SENP7: variants seen among roughly 807,000 people sequenced by gnomAD.
SENP7 encodes sentrin-specific protease 7.
Under a neutral mutation model 141.2 loss-of-function variants are expected in SENP7, and 64 were observed. The ratio of observed to expected loss-of-function variants is 0.45; its 90% CI spans 0.37 to 0.56. The LOEUF (loss-of-function observed/expected upper bound fraction) is 0.56. Among genes scored for constraint, SENP7 ranks in the 20% least tolerant of loss-of-function variants. The pLI is 0.00. For synonymous variants in SENP7, 382 were observed against 426.4 expected (o/e 0.90, Z 1.28); for missense variants, 1,025 against 1,212.2 (o/e 0.85, Z 2.29).
chr3:101,452,116 T>G (rs1380992406), intron 4 of SENP7, among the ~76,000 whole-genome samples: 1 of 151,908 alleles, frequency 6.6e-6, no homozygotes, highest in Non-Finnish European at 1.5e-5. Context: ...CATTCACAAT[T>G]GCTTCAAAGA....
intron 1 of SENP7, among the ~76,000 whole-genome samples, chr3:101,504,255 C>T (rs2065501152): frequency 6.6e-6 from 1 of 150,676 alleles, no homozygotes; most frequent in South Asian, 2.1e-4. Context: ...AGTTCGAGAC[C>T]AGCCTGGTCA....
At chr3:101,379,322 T>G (rs2060429226) in intron 6 of SENP7, among the ~76,000 whole-genome samples, 1 of 152,150 alleles carries the variant, frequency 6.6e-6, no homozygotes, top group South Asian at 2.1e-4. Flanking sequence ...CACATTAGAT[T>G]TGTTAACATT....
Position 101,343,924 on chromosome 3 carries a change from A to G in SENP7, c.1868T>C (p.Leu623Pro). ...TTCTCTTTGTGAAACAGGATTGTGT[A>G]GTTCAAGGAAAATGAATTCACTAGA... ...SKSSEFIFLE[L>P]HNPVSQREEL... The change falls in exon 14 of 24, where the codon CTA (leucine) becomes CCA (proline). Residue 623 changes from leucine to proline, a missense_variant. Physicochemically the swap from Leu to Pro is moderately conservative, Grantham distance 98. This residue lies in a region of SENP7 where 228 missense variants were observed against 228.5 expected (regional missense o/e 1.00). Coordinates refer to ENST00000394095, the MANE Select transcript of SENP7 (RefSeq NM_020654.5). 6.3e-7 allele frequency: 1 copy of G among 1,588,946 alleles called. No homozygotes were observed. Among genetic ancestry groups the G allele is most frequent in the Non-Finnish European group, 8.6e-7 (1 of 1,168,782 alleles).
chr3:101,438,655 T>C (rs2062483637), intron 4 of SENP7, among the ~76,000 whole-genome samples: 1 of 152,220 alleles, frequency 6.6e-6, no homozygotes, highest in Non-Finnish European at 1.5e-5. Flanking sequence ...TACAAATTTA[T>C]ATTTAAAATA....
At chr3:101,452,027 A>G (rs2063158594) in intron 4 of SENP7, among the ~76,000 whole-genome samples, 1 of 152,216 alleles carries the variant, frequency 6.6e-6, no homozygotes. Flanking sequence ...TCAGGATACA[A>G]AAATCAATGT....
chr3:101,360,031 A>C (rs1218898002), intron 11 of SENP7, among the ~76,000 whole-genome samples: 4 of 152,176 alleles, frequency 2.6e-5, no homozygotes, highest in Admixed American at 2.6e-4. Flanking sequence ...ATCAAAAAGA[A>C]CTCAACAGAA....
chr3:101,482,315 C>CAA (rs1426963692), intron 3 of SENP7, among the ~76,000 whole-genome samples: 5 of 65,956 alleles, frequency 7.6e-5, no homozygotes, highest in Non-Finnish European at 1.4e-4. Flanking sequence ...TCTGTCTCAA[C>CAA]AAAAAAAAAA....
At chr3:101,453,956 C>A (rs780196906) in intron 4 of SENP7, among the ~76,000 whole-genome samples, 1 of 149,738 alleles carries the variant, frequency 6.7e-6, no homozygotes, top group Non-Finnish European at 1.5e-5. Flanking sequence ...GCAAACAAAA[C>A]CACAATGAGA....
intron 11 of SENP7, chr3:101,357,400 C>T (rs1368172827): frequency 1.4e-6 from 1 of 738,438 alleles, no homozygotes; most frequent in Non-Finnish European, 2.4e-6. Context: ...CTAAGCCAGA[C>T]CTGATGACCT....
chr3:101,444,760 GA>G (rs1298755258), intron 4 of SENP7, among the ~76,000 whole-genome samples: 8 of 149,164 alleles, frequency 5.4e-5, no homozygotes, highest in African/African-American at 9.9e-5. Context: ...GGGGAGGGGG[GA>G]AAGATAGCAT....
At chr3:101,469,271 C>T (rs1299821641) in intron 3 of SENP7, among the ~76,000 whole-genome samples, 1 of 152,066 alleles carries the variant, frequency 6.6e-6, no homozygotes, top group Non-Finnish European at 1.5e-5. Flanking sequence ...TAGAGACCTA[C>T]AAAGAGACTT....
At chr3:101,457,375 T>G in intron 4 of SENP7, 1 of 1,434,664 alleles carries the variant, frequency 7.0e-7, no homozygotes, top group Non-Finnish European at 9.8e-7. Flanking sequence ...GCCAGTCTGC[T>G]TAAACTGTTC....
rs984093304 is a variant in SENP7 at position 101,501,005 on chromosome 3, C to A, written c.90+65G>T. ...TTTAAAATGTTATTAAAAAGACAAA[C>A]AGCAAAATACTTTCAATATCAGTAA... is the stretch of plus-strand genomic sequence containing the variant. On this transcript the variant is annotated intron_variant, in intron 2 of 23. Coordinates refer to ENST00000394095, the MANE Select transcript of SENP7 (RefSeq NM_020654.5). The A allele has an allele frequency of 7.1e-6, 8 of 1,125,038 alleles. No homozygotes were observed. The African/African-American group carries it at 1.3e-4, about 18-fold the overall frequency. The allele number at this position is 1,125,038 out of a possible 1,614,324, so 69.7% of individuals were successfully genotyped here. A position where few individuals can be genotyped will look rare whatever the true frequency, so the allele number is the denominator to read the frequency against.
rs770304438 is a variant in SENP7 at position 101,513,144 on chromosome 3, T to A, written c.-14A>T. The A allele has an allele frequency of 6.3e-7, 1 of 1,581,564 alleles. No individual in the cohort carries two copies. Among genetic ancestry groups the A allele is most frequent in the Admixed American group, 1.8e-5 (1 of 56,674 alleles). ...TCTCTTGTCCATCTTCTCCCGCTGC[T>A]GAAATTTCAGTTGCAGGCGCTGTCA... On this transcript the variant is annotated 5_prime_UTR_variant, in exon 1 of 24. Transcript: ENST00000394095.
At chr3:101,477,491 A>T (rs2064266784) in intron 3 of SENP7, among the ~76,000 whole-genome samples, 1 of 127,338 alleles carries the variant, frequency 7.9e-6, no homozygotes, top group Non-Finnish European at 1.7e-5. Flanking sequence ...AAGTATAAAG[A>T]TTTTAAGTAA....
chr3:101,513,027 C>T (rs9681493), intron 1 of SENP7, 64 bp downstream of exon 1: 652,874 of 1,561,162 alleles, frequency 0.42, 140,863 homozygotes, highest in Admixed American at 0.66. Flanking sequence ...CAGCTGCCGC[C>T]TGCGCCTCCC....
At chr3:101,452,548 AC>A (rs1484069835) in intron 4 of SENP7, among the ~76,000 whole-genome samples, 59 of 152,356 alleles carry the variant, frequency 3.9e-4, no homozygotes, top group African/African-American at 1.4e-3. Context: ...CAGAGCCCTC[AC>A]AAATAATGCC....
intron 6 of SENP7, among the ~76,000 whole-genome samples, chr3:101,386,584 T>C (rs1428556610): frequency 1.3e-5 from 2 of 152,010 alleles, no homozygotes; most frequent in Non-Finnish European, 2.9e-5. Context: ...ATTCCCCAAA[T>C]CCACCTAGAA....
chr3:101,359,809 G>A (rs2107334664), intron 11 of SENP7, among the ~76,000 whole-genome samples: 1 of 152,188 alleles, frequency 6.6e-6, no homozygotes, highest in Admixed American at 6.5e-5. Flanking sequence ...AAATAGGCAA[G>A]ATTATATGTG....
Sources: gnomAD v4.1 joint callset for allele counts (sites outside exome capture counted in the v4.1 genomes callset) on GRCh38, gnomAD v4.1.1 for gene constraint, gnomAD v4.1.1 regional missense constraint, MANE v1.5 for transcripts, NCBI Gene and HGNC (gene_info 2026-07-23, HGNC 2026-07-21) for gene names.